DCC: variants seen among roughly 807,000 people sequenced by gnomAD.
DCC encodes DCC netrin 1 receptor, also known as netrin receptor DCC.
A neutral mutation model predicts 172.5 loss-of-function variants in DCC; 58 were observed. The ratio of observed to expected loss-of-function variants is 0.34; its 90% CI spans 0.27 to 0.42. DCC has a LOEUF of 0.42. Ranked by LOEUF, DCC falls within the 10% of genes least tolerant of loss-of-function variation. The pLI is 1.00. For synonymous variants in DCC, 709 were observed against 644.5 expected (o/e 1.10, Z -1.52); for missense variants, 1,740 against 1,791.0 (o/e 0.97, Z 0.51).
intron 2 of DCC, chr18:52,892,383 G>T (rs1201366954): frequency 1.3e-5 from 2 of 152,070 alleles, no homozygotes; most frequent in Non-Finnish European, 2.9e-5. Flanking sequence ...TCCCAGGTGT[G>T]TCCTTTCCCC....
intron 2 of DCC, among the ~76,000 whole-genome samples, chr18:52,774,184 T>C (rs935841051): frequency 6.6e-6 from 1 of 152,214 alleles, no homozygotes; most frequent in Non-Finnish European, 1.5e-5. Flanking sequence ...ATTGTTTAGC[T>C]TTATTCCAGA....
chr18:52,821,298 C>A (rs966698029), intron 2 of DCC, among the ~76,000 whole-genome samples: 1 of 152,186 alleles, frequency 6.6e-6, no homozygotes, highest in African/African-American at 2.4e-5. Flanking sequence ...CACATGCCCT[C>A]CCCTCTTTCC....
chr18:53,152,562 T>A (rs567422086), intron 7 of DCC, among the ~76,000 whole-genome samples: 3 of 129,022 alleles, frequency 2.3e-5, no homozygotes, highest in South Asian at 3.1e-4. Context: ...TATTAAAAAA[T>A]TTTTAAAGAT....
At chr18:52,603,633 T>G (rs1050569542) in intron 1 of DCC, among the ~76,000 whole-genome samples, 4 of 149,554 alleles carry the variant, frequency 2.7e-5, no homozygotes, top group Middle Eastern at 3.4e-3. Flanking sequence ...CACAGTTTAT[T>G]CTCTTAAAAC....
chr18:52,552,564 T>A (rs751351932), intron 1 of DCC, among the ~76,000 whole-genome samples: 14 of 152,046 alleles, frequency 9.2e-5, no homozygotes, highest in Non-Finnish European at 1.6e-4. Flanking sequence ...TATGAGTTCA[T>A]TTTTAAAAAT....
chr18:52,468,417 A>G (rs899407555), intron 1 of DCC, among the ~76,000 whole-genome samples: 18 of 152,334 alleles, frequency 1.2e-4, no homozygotes, highest in African/African-American at 4.1e-4. Flanking sequence ...ATAATTTTGC[A>G]GGGCTCTTTG....
chr18:52,478,359 C>T (rs955256256), intron 1 of DCC, among the ~76,000 whole-genome samples: 5 of 151,978 alleles, frequency 3.3e-5, no homozygotes, highest in African/African-American at 2.4e-5. Flanking sequence ...TAAATGAATC[C>T]CTGCTGAAGG....
At chr18:52,988,901 C>T (rs1035069121) in intron 5 of DCC, among the ~76,000 whole-genome samples, 1 of 152,048 alleles carries the variant, frequency 6.6e-6, no homozygotes, top group Middle Eastern at 3.4e-3. Context: ...GCAAAACACT[C>T]CAGGTTTTTT....
intron 17 of DCC, among the ~76,000 whole-genome samples, chr18:53,393,906 TCTCTCTCC>T (rs1300385517): frequency 7.1e-6 from 1 of 140,156 alleles, no homozygotes; most frequent in South Asian, 2.5e-4. Context: ...ATTCCCTCTC[TCTCTCTCC>T]CTCTCTCCCT....
At chr18:53,098,849 C>T (rs2092541443) in intron 7 of DCC, among the ~76,000 whole-genome samples, 1 of 151,966 alleles carries the variant, frequency 6.6e-6, no homozygotes, top group Non-Finnish European at 1.5e-5. Context: ...CCCTACAAAA[C>T]GTTTTTAAAA....
intron 1 of DCC, among the ~76,000 whole-genome samples, chr18:52,687,649 C>T (rs1390237865): frequency 6.6e-6 from 1 of 152,120 alleles, no homozygotes. Flanking sequence ...TATACTCAGA[C>T]TATTTCTCAA....
At chr18:53,163,409 A>G (rs936293821) in intron 8 of DCC, among the ~76,000 whole-genome samples, 3 of 152,204 alleles carry the variant, frequency 2.0e-5, no homozygotes, top group Admixed American at 1.3e-4. Context: ...CTGGCTTTCA[A>G]CTAGAGCCAT....
chr18:53,150,688 G>A (rs149646106), intron 7 of DCC, among the ~76,000 whole-genome samples: 12 of 152,340 alleles, frequency 7.9e-5, no homozygotes, highest in East Asian at 7.7e-4. Flanking sequence ...AGGCCCCCAC[G>A]TCAGGGCAGC....
At chr18:53,090,569 C>A (rs2042988027) in intron 7 of DCC, among the ~76,000 whole-genome samples, 1 of 150,938 alleles carries the variant, frequency 6.6e-6, no homozygotes, top group African/African-American at 2.4e-5. Context: ...TGGCGGGCAC[C>A]TGTGGTCCCA....
At chr18:52,987,114 G>T (rs142476538) in intron 5 of DCC, among the ~76,000 whole-genome samples, 1 of 152,032 alleles carries the variant, frequency 6.6e-6, no homozygotes, top group Admixed American at 6.6e-5. Context: ...GAGACTCCGC[G>T]CCTGGCCCAG....
chr18:52,735,054 A>G (rs2036704351), intron 1 of DCC, among the ~76,000 whole-genome samples: 1 of 152,166 alleles, frequency 6.6e-6, no homozygotes. Flanking sequence ...TGAGGAGAAA[A>G]TAAAGGTTTT....
At chr18:52,856,632 A>AAAAAAAAAAAC (rs1264057030) in intron 2 of DCC, among the ~76,000 whole-genome samples, 1 of 149,556 alleles carries the variant, frequency 6.7e-6, no homozygotes, top group East Asian at 1.9e-4. Context: ...TCTCAAAAAA[A>AAAAAAAAAAAC]AAAAAAAAAA....
At chr18:52,358,880 C>T (rs1338792251) in intron 1 of DCC, among the ~76,000 whole-genome samples, 2 of 152,186 alleles carry the variant, frequency 1.3e-5, no homozygotes, top group Admixed American at 6.5e-5. Context: ...TGCTTTAGAA[C>T]GTTTCCAGTG....
chr18:53,512,671 C>G (rs2046272180), intron 27 of DCC, among the ~76,000 whole-genome samples: 1 of 151,828 alleles, frequency 6.6e-6, no homozygotes. Context: ...AATGCAGAAG[C>G]CTCAGGAGCC....
Sources: allele counts gnomAD v4.1 joint callset (sites outside exome capture counted in the v4.1 genomes callset), GRCh38; gene constraint gnomAD v4.1.1; transcripts MANE v1.5; gene names NCBI Gene and HGNC (gene_info 2026-07-23, HGNC 2026-07-21).